Variants in SEPTIN11 observed in about 807,000 individuals in gnomAD.
SEPTIN11 encodes septin-11.
A neutral mutation model predicts 51.4 loss-of-function variants in SEPTIN11; 25 were observed. That is an observed-to-expected ratio of 0.49 (90% CI 0.35 to 0.68). The LOEUF is 0.68. SEPTIN11 is among the 30% of genes least tolerant of loss of function. SEPTIN11 has a pLI of 0.00. For synonymous variants in SEPTIN11, 174 were observed against 184.1 expected, an observed-to-expected ratio of 0.95 and a Z score of 0.44; for missense variants, 381 against 520.8, an observed-to-expected ratio of 0.73 and a Z score of 2.61.
At chr4:77,019,869 A>T (rs1192024773) in intron 6 of SEPTIN11, among the ~76,000 whole-genome samples, 1 of 152,200 alleles carries the variant, frequency 6.6e-6, no homozygotes, top group Non-Finnish European at 1.5e-5. Context: ...CTGGTTTAAG[A>T]TGTATCAGAC....
At chr4:76,972,390 A>C (rs1722288805) in intron 1 of SEPTIN11, 1 of 152,152 alleles carries the variant, frequency 6.6e-6, no homozygotes, top group Non-Finnish European at 1.5e-5. Context: ...GGTGGTTTAG[A>C]AGGGGCAAGA....
chr4:77,036,422 A>T lies in SEPTIN11; in HGVS notation c.*1910A>T. 4.3e-6 allele frequency: 5 copies of T among 1,155,224 alleles called. No individual in the cohort carries two copies. Among genetic ancestry groups the T allele is most frequent in the Non-Finnish European group, 5.4e-6 (5 of 933,960 alleles). The allele number at this position is 1,155,224 out of a possible 1,614,324, so 71.6% of individuals were successfully genotyped here. A position where few individuals can be genotyped will look rare whatever the true frequency, so the allele number is the denominator to read the frequency against. On this transcript the variant is annotated 3_prime_UTR_variant, in exon 10 of 10. Coordinates refer to ENST00000264893, the MANE Select transcript of SEPTIN11 (RefSeq NM_018243.4). ...ATATTTGTGTTGTATGCTTGTTCCA[A>T]CCACCGCTTGTGTGAGCATTTTTGT...
At chr4:76,952,230 G>A (rs935890775) in intron 1 of SEPTIN11, among the ~76,000 whole-genome samples, 1 of 151,972 alleles carries the variant, frequency 6.6e-6, no homozygotes, top group Admixed American at 6.5e-5. Context: ...TTAAAGTTAA[G>A]AGTTCTCTGG....
At chr4:77,005,488 C>T in intron 2 of SEPTIN11, 113 bp from the exon 3 acceptor site, 1 of 887,724 alleles carries the variant, frequency 1.1e-6, no homozygotes, top group Middle Eastern at 2.3e-4. Context: ...TTTCTGGTGA[C>T]AGTTTTTCTT....
intron 7 of SEPTIN11, among the ~76,000 whole-genome samples, chr4:77,027,146 C>T (rs1726217869): frequency 6.6e-6 from 1 of 152,072 alleles, no homozygotes; most frequent in Non-Finnish European, 1.5e-5. Context: ...AATATGTTTT[C>T]TTTTTTCGAG....
chr4:77,001,713 CT>C (rs1400301530), intron 2 of SEPTIN11, among the ~76,000 whole-genome samples: 2 of 152,156 alleles, frequency 1.3e-5, no homozygotes, highest in Non-Finnish European at 2.9e-5. Flanking sequence ...TTTTGAAATA[CT>C]TTAGTCATTG....
chr4:77,025,383 T>TA (rs1297205695), intron 7 of SEPTIN11, among the ~76,000 whole-genome samples: 1 of 151,646 alleles, frequency 6.6e-6, no homozygotes, highest in African/African-American at 2.4e-5. Flanking sequence ...CAAAAAATTT[T>TA]AAAAAAAATT....
chr4:76,976,520 G>A (rs1241769612), intron 1 of SEPTIN11, among the ~76,000 whole-genome samples: 1 of 152,116 alleles, frequency 6.6e-6, no homozygotes, highest in Non-Finnish European at 1.5e-5. Context: ...TCAAAGACTC[G>A]TTGGTTGTTC....
chr4:76,988,395 A>C (rs1378028885), intron 1 of SEPTIN11, among the ~76,000 whole-genome samples: 1 of 152,242 alleles, frequency 6.6e-6, no homozygotes, highest in African/African-American at 2.4e-5. Context: ...TTCTACCCAC[A>C]CTGGTACTCG....
chr4:76,999,547 T>C (rs922748246), intron 2 of SEPTIN11, among the ~76,000 whole-genome samples: 1 of 151,916 alleles, frequency 6.6e-6, no homozygotes, highest in Admixed American at 6.6e-5. Context: ...GAATTAAGGA[T>C]AAAAAAAATA....
intron 3 of SEPTIN11, among the ~76,000 whole-genome samples, chr4:77,007,669 A>G (rs1370869942): frequency 6.6e-6 from 1 of 152,242 alleles, no homozygotes; most frequent in Non-Finnish European, 1.5e-5. Context: ...GAAGAGAGGA[A>G]GTGTGATATT....
Position 77,038,210 on chromosome 4 carries a change from G to A in SEPTIN11, c.*3698G>A. On this transcript the variant is annotated 3_prime_UTR_variant, in exon 10 of 10. Transcript: ENST00000264893. The stretch of plus-strand genomic sequence containing the variant: ...GTCTAGTTTGTATGTAGGTATGAAG[G>A]GAATTTTTTAAATAAATTGAAAAGC... 1.0e-6 allele frequency: 1 copy of A among 985,554 alleles called. No homozygotes were observed. The highest frequency in any genetic ancestry group is 1.2e-6 in the Non-Finnish European group (1 of 829,706). The allele number at this position is 985,554 out of a possible 1,614,324, so 61.1% of individuals were successfully genotyped here.
At chr4:76,962,396 C>T (rs1447034596) in intron 1 of SEPTIN11, among the ~76,000 whole-genome samples, 2 of 152,176 alleles carry the variant, frequency 1.3e-5, no homozygotes, top group Non-Finnish European at 2.9e-5. Context: ...TGTCCAGTTC[C>T]TGCTTCTAAT....
At chr4:76,961,293 T>C (rs1721816233) in intron 1 of SEPTIN11, among the ~76,000 whole-genome samples, 1 of 152,178 alleles carries the variant, frequency 6.6e-6, no homozygotes, top group Non-Finnish European at 1.5e-5. Flanking sequence ...TTTATTTTTT[T>C]AGTTTAAGGC....
At chr4:76,976,694 A>G (rs1268976281) in intron 1 of SEPTIN11, among the ~76,000 whole-genome samples, 1 of 152,250 alleles carries the variant, frequency 6.6e-6, no homozygotes, top group Non-Finnish European at 1.5e-5. Context: ...TTGATGACCC[A>G]ATACCTCTAG....
rs531513971 is a variant in SEPTIN11 at position 76,950,043 on chromosome 4, G to C, written c.27+113G>C. On this transcript the variant is annotated intron_variant, in intron 1 of 9. Coordinates refer to ENST00000264893, the MANE Select transcript of SEPTIN11 (RefSeq NM_018243.4). ...GGCGGGTGCTCGGCCCCGCGGCGGC[G>C]GCGACGGCTGTGGGTGTGTGCACGA... 1,004 of 1,169,278 alleles carry C rather than the reference G, an allele frequency of 8.6e-4. 6 individuals are homozygous for C. The African/African-American group carries it at 0.013, about 15-fold the overall frequency. The allele number at this position is 1,169,278 out of a possible 1,614,324, so 72.4% of individuals were successfully genotyped here.
chr4:76,985,382 T>TC (rs1722973438), intron 1 of SEPTIN11, among the ~76,000 whole-genome samples: 1 of 152,210 alleles, frequency 6.6e-6, no homozygotes, highest in Non-Finnish European at 1.5e-5. Flanking sequence ...TGCTAGTGAT[T>TC]CCCCTCCTCC....
At chr4:77,032,126 T>C (rs1055081273) in intron 9 of SEPTIN11, 4 of 152,182 alleles carry the variant, frequency 2.6e-5, no homozygotes, top group Admixed American at 6.5e-5. Flanking sequence ...TCATGTTGCC[T>C]GCAGTAAAAA....
In SEPTIN11 at chr4:77,036,660, T is replaced by A. The variant is rs1127583; in HGVS notation, c.*2148T>A. The A allele has an allele frequency of 0.063, 93,069 of 1,482,630 alleles. 3,497 individuals are homozygous for A. The highest frequency in any genetic ancestry group is 0.15 in the South Asian group (10,971 of 75,528). The allele number at this position is 1,482,630 out of a possible 1,614,324, so 91.8% of individuals were successfully genotyped here. A position where few individuals can be genotyped will look rare whatever the true frequency, so the allele number is the denominator to read the frequency against. ...AGAAACAAATAGAAGCTTTTTTTTT[T>A]AAAAAATGTATTGCTTCTGAACTTT... is the stretch of plus-strand genomic sequence containing the variant. On this transcript the variant is annotated 3_prime_UTR_variant, in exon 10 of 10. Transcript: ENST00000264893.
Sources: allele counts gnomAD v4.1 joint callset (sites outside exome capture counted in the v4.1 genomes callset), GRCh38; gene constraint gnomAD v4.1.1; transcripts MANE v1.5; gene names NCBI Gene and HGNC (gene_info 2026-07-23, HGNC 2026-07-21).